Variants in PITPNC1 observed in about 807,000 individuals in gnomAD.
PITPNC1 encodes the protein phosphatidylinositol transfer protein cytoplasmic 1, also known as cytoplasmic phosphatidylinositol transfer protein 1.
Under a neutral mutation model 44.7 loss-of-function variants are expected in PITPNC1, and 18 were observed. That is an observed-to-expected ratio of 0.40 (90% CI 0.28 to 0.60). PITPNC1 has a LOEUF of 0.60. PITPNC1 is among the 20% of genes least tolerant of loss of function. The probability of loss-of-function intolerance (pLI) is 0.39; values close to 1 mark genes in which losing one functional copy is unlikely to be tolerated. For missense variants in PITPNC1, 290 were observed against 418.4 expected (o/e 0.69, Z 2.68); for synonymous variants, 141 against 149.6 (o/e 0.94, Z 0.42).
chr17:67,396,009 A>T (rs559320849), intron 1 of PITPNC1, among the ~76,000 whole-genome samples: 1 of 152,320 alleles, frequency 6.6e-6, no homozygotes, highest in African/African-American at 2.4e-5. Context: ...CCTCTTTTGG[A>T]TTGCGTTTGA....
intron 1 of PITPNC1, among the ~76,000 whole-genome samples, chr17:67,527,470 C>T (rs761053425): frequency 2.0e-4 from 31 of 152,122 alleles, no homozygotes; most frequent in Non-Finnish European, 3.2e-4. Flanking sequence ...TTTGGGAGGC[C>T]GAGGCGGATG....
chr17:67,648,195 T>G (rs1284890122), intron 6 of PITPNC1, among the ~76,000 whole-genome samples: 1 of 152,224 alleles, frequency 6.6e-6, no homozygotes, highest in Non-Finnish European at 1.5e-5. Flanking sequence ...TGCTGATCAC[T>G]GTTGGCATGC....
At chr17:67,445,170 A>C (rs2039077353) in intron 1 of PITPNC1, among the ~76,000 whole-genome samples, 1 of 152,034 alleles carries the variant, frequency 6.6e-6, no homozygotes, top group African/African-American at 2.4e-5. Context: ...AGGTGTGTTG[A>C]CCGACTTCAG....
chr17:67,599,370 G>A (rs560503672), intron 5 of PITPNC1, among the ~76,000 whole-genome samples: 2 of 152,124 alleles, frequency 1.3e-5, no homozygotes, highest in East Asian at 1.9e-4. Context: ...AGTCATAAAC[G>A]TAGTTTTGAA....
chr17:67,569,329 C>T lies in PITPNC1; in HGVS notation c.295-8857C>T, dbSNP rs1420894619. Among the ~76,000 whole-genome samples the T allele has an allele frequency of 2.6e-5, 4 of 152,312 alleles. No individual in the cohort carries two copies. In the East Asian group the frequency reaches 5.8e-4, roughly 22 times the overall value. The stretch of plus-strand genomic sequence containing the variant: ...AAATTCAGTTCTGCCGTGCATTTTG[C>T]ATATGCTGCTTTCATTTCCCGACAC... On this transcript the variant is annotated intron_variant, in intron 4 of 8. Coordinates refer to ENST00000581322, the MANE Select transcript of PITPNC1 (RefSeq NM_012417.4).
chr17:67,658,719 A>G (rs2042303147), intron 6 of PITPNC1, among the ~76,000 whole-genome samples: 1 of 151,974 alleles, frequency 6.6e-6, no homozygotes, highest in Admixed American at 6.6e-5. Context: ...GTTGTCTCCT[A>G]CATCTCTGGG....
At chr17:67,647,464 G>GTT (rs60407940) in intron 6 of PITPNC1, among the ~76,000 whole-genome samples, 2,676 of 72,240 alleles carry the variant, frequency 0.037, 350 homozygotes, top group East Asian at 0.057. Flanking sequence ...CTAATTTTGG[G>GTT]TTTTTTTTTT....
intron 4 of PITPNC1, among the ~76,000 whole-genome samples, chr17:67,576,069 G>A (rs1345344770): frequency 6.6e-6 from 1 of 151,748 alleles, no homozygotes; most frequent in Non-Finnish European, 1.5e-5. Context: ...TAAAGACGGG[G>A]TTTCGCCATG....
chr17:67,426,257 G>C (rs371965370), intron 1 of PITPNC1, among the ~76,000 whole-genome samples: 1 of 152,028 alleles, frequency 6.6e-6, no homozygotes, highest in Non-Finnish European at 1.5e-5. Context: ...CCCATTACTG[G>C]GTATATGCCC....
chr17:67,578,105 A>G, intron 4 of PITPNC1, 81 bp from the exon 5 acceptor site: 3 of 932,110 alleles, frequency 3.2e-6, no homozygotes, highest in Middle Eastern at 2.1e-4. Context: ...CCAAATGGCC[A>G]GGAAAGTATT....
At chr17:67,408,269 T>A (rs1255489234) in intron 1 of PITPNC1, among the ~76,000 whole-genome samples, 7 of 152,194 alleles carry the variant, frequency 4.6e-5, no homozygotes, top group Admixed American at 3.9e-4. Context: ...TCAACATTTT[T>A]AAATTTTGAT....
chr17:67,629,026 G>T (rs2041931144), intron 5 of PITPNC1, among the ~76,000 whole-genome samples: 1 of 152,104 alleles, frequency 6.6e-6, no homozygotes, highest in African/African-American at 2.4e-5. Flanking sequence ...TGGAGCTAAG[G>T]CAATACTATG....
intron 1 of PITPNC1, among the ~76,000 whole-genome samples, chr17:67,483,281 CT>C (rs891868722): frequency 6.6e-6 from 1 of 152,296 alleles, no homozygotes; most frequent in Admixed American, 6.5e-5. Context: ...GCTAAAACCT[CT>C]CTGTGTTGTA....
intron 6 of PITPNC1, chr17:67,638,606 G>A (rs752019669): frequency 6.6e-6 from 1 of 152,262 alleles, no homozygotes; most frequent in Non-Finnish European, 1.5e-5. Flanking sequence ...GGAAGTAGAA[G>A]TAGAGGGTTT....
chr17:67,411,396 G>A (rs2038494270), intron 1 of PITPNC1, among the ~76,000 whole-genome samples: 1 of 152,152 alleles, frequency 6.6e-6, no homozygotes, highest in African/African-American at 2.4e-5. Context: ...GGTCACCAGG[G>A]ATGGCCAGCA....
At chr17:67,481,776 T>TA (rs1378928715) in intron 1 of PITPNC1, among the ~76,000 whole-genome samples, 3 of 122,678 alleles carry the variant, frequency 2.4e-5, no homozygotes, top group Non-Finnish European at 5.5e-5. Flanking sequence ...ATTTGAAGAT[T>TA]TAAAAAAAAA....
intron 6 of PITPNC1, among the ~76,000 whole-genome samples, chr17:67,669,128 TG>T (rs1174704246): frequency 6.6e-6 from 1 of 152,012 alleles, no homozygotes; most frequent in Non-Finnish European, 1.5e-5. Flanking sequence ...GTTTTTGAGA[TG>T]GAGTTTCGCT....
chr17:67,402,797 G>A (rs936343735), intron 1 of PITPNC1, among the ~76,000 whole-genome samples: 3 of 152,084 alleles, frequency 2.0e-5, no homozygotes, highest in Non-Finnish European at 4.4e-5. Flanking sequence ...CTCCCAAGTA[G>A]CTGGGATTAC....
At chr17:67,399,701 A>G (rs1818609080) in intron 1 of PITPNC1, among the ~76,000 whole-genome samples, 1 of 152,234 alleles carries the variant, frequency 6.6e-6, no homozygotes. Flanking sequence ...CAACAGTGCA[A>G]AAACTTACCC....
Sources: gnomAD v4.1 joint callset for allele counts (sites outside exome capture counted in the v4.1 genomes callset) on GRCh38, gnomAD v4.1.1 for gene constraint, MANE v1.5 for transcripts, NCBI Gene and HGNC (gene_info 2026-07-23, HGNC 2026-07-21) for gene names.